ATP11A: variants seen among roughly 807,000 people sequenced by gnomAD.
The protein encoded by ATP11A is ATPase phospholipid transporting 11A, also known as phospholipid-transporting ATPase IH.
ATP11A carries 81 observed loss-of-function variants against 154.4 expected under a neutral mutation model. The ratio of observed to expected loss-of-function variants is 0.52; its 90% CI spans 0.44 to 0.63. ATP11A has a LOEUF of 0.63. Ranked by LOEUF, ATP11A falls within the 30% of genes least tolerant of loss-of-function variation. ATP11A has a pLI of 0.00. For synonymous variants in ATP11A, 623 were observed against 585.9 expected, an observed-to-expected ratio of 1.06 and a Z score of -0.91; for missense variants, 1,316 against 1,474.3, an observed-to-expected ratio of 0.89 and a Z score of 1.76.
intron 5 of ATP11A, among the ~76,000 whole-genome samples, chr13:112,811,193 C>CACAT (rs1195991892): frequency 1.1e-4 from 16 of 151,320 alleles, no homozygotes; most frequent in African/African-American, 3.9e-4. Flanking sequence ...CACACACACA[C>CACAT]ACACACACAC....
intron 1 of ATP11A, among the ~76,000 whole-genome samples, chr13:112,728,076 G>A (rs1464199273): frequency 2.0e-5 from 3 of 152,208 alleles, no homozygotes; most frequent in Non-Finnish European, 2.9e-5. Context: ...GGCTTATGGG[G>A]CCTTGAGGTC....
chr13:112,815,358 C>A (rs2078615804), intron 5 of ATP11A, among the ~76,000 whole-genome samples: 1 of 151,746 alleles, frequency 6.6e-6, no homozygotes, highest in African/African-American at 2.4e-5. Context: ...CAGTCCAGGC[C>A]ACCGAGATGC....
rs545002672 is a variant in ATP11A at position 112,868,206 on chromosome 13, A to T, written c.2992-3529A>T. Among the ~76,000 whole-genome samples the T allele has an allele frequency of 3.0e-4, 45 of 152,376 alleles. No individual in the cohort carries two copies. The South Asian group carries it at 8.7e-3, about 29-fold the overall frequency. ...GATAGACGTAGGATGCGATGAGAGC[A>T]GCTGAAACACGAGCGGTCCGCGTAT... On this transcript the variant is annotated intron_variant, in intron 25 of 29. Transcript: ENST00000375645.
chr13:112,765,309 G>T (rs1476880886), intron 1 of ATP11A, among the ~76,000 whole-genome samples: 4 of 152,126 alleles, frequency 2.6e-5, no homozygotes, highest in African/African-American at 9.7e-5. Flanking sequence ...CCCATCCTTG[G>T]GGAGGCCTCT....
chr13:112,701,488 A>G (rs1275218899), intron 1 of ATP11A, among the ~76,000 whole-genome samples: 2 of 152,204 alleles, frequency 1.3e-5, no homozygotes. Context: ...GCCCAGAGGA[A>G]GATCTGGTCC....
At chr13:112,751,833 C>T (rs1488391457) in intron 1 of ATP11A, among the ~76,000 whole-genome samples, 1 of 152,090 alleles carries the variant, frequency 6.6e-6, no homozygotes, top group Non-Finnish European at 1.5e-5. Context: ...GATTCTCCCG[C>T]CTCAGAGTGC....
At chr13:112,837,465 G>A (rs943522046) in intron 16 of ATP11A, among the ~76,000 whole-genome samples, 1 of 152,218 alleles carries the variant, frequency 6.6e-6, no homozygotes, top group Non-Finnish European at 1.5e-5. Context: ...ACGCAGAACC[G>A]ATGCTCTTCT....
intron 1 of ATP11A, among the ~76,000 whole-genome samples, chr13:112,711,021 G>A (rs925699763): frequency 1.6e-5 from 2 of 123,638 alleles, no homozygotes; most frequent in African/African-American, 5.9e-5. Context: ...TCAAAGTGCC[G>A]GGGTCAGAGG....
intron 8 of ATP11A, 104 bp downstream of exon 8, chr13:112,820,054 T>G: frequency 1.7e-6 from 2 of 1,190,784 alleles, no homozygotes; most frequent in East Asian, 2.8e-5. Flanking sequence ...TCTGGTAGAT[T>G]TGGAAGGTGG....
At chr13:112,777,535 G>T (rs972383803) in intron 1 of ATP11A, among the ~76,000 whole-genome samples, 1 of 152,228 alleles carries the variant, frequency 6.6e-6, no homozygotes, top group Admixed American at 6.5e-5. Flanking sequence ...TTGCACTCCA[G>T]CCTGGGGGAC....
At chr13:112,816,860 G>T (rs2078660520) in intron 6 of ATP11A, among the ~76,000 whole-genome samples, 1 of 152,220 alleles carries the variant, frequency 6.6e-6, no homozygotes, top group South Asian at 2.1e-4. Flanking sequence ...TTAATGAATA[G>T]ATTGTTGGAA....
chr13:112,821,103 C>G (rs2078785810), intron 8 of ATP11A, among the ~76,000 whole-genome samples: 1 of 152,150 alleles, frequency 6.6e-6, no homozygotes, highest in Non-Finnish European at 1.5e-5. Flanking sequence ...TTGGAGAAAT[C>G]TCTTGTATTT....
chr13:112,770,586 G>A (rs748456870), intron 1 of ATP11A, among the ~76,000 whole-genome samples: 4 of 152,182 alleles, frequency 2.6e-5, no homozygotes, highest in Non-Finnish European at 5.9e-5. Flanking sequence ...CTTACATGCC[G>A]GGACGAAGGT....
At chr13:112,868,723 C>T (rs1566595945) in intron 25 of ATP11A, among the ~76,000 whole-genome samples, 1 of 152,138 alleles carries the variant, frequency 6.6e-6, no homozygotes, top group African/African-American at 2.4e-5. Context: ...ATAAACTATC[C>T]GCACATGTTA....
chr13:112,857,187 C>T (rs959942527), intron 20 of ATP11A, among the ~76,000 whole-genome samples: 2 of 152,164 alleles, frequency 1.3e-5, no homozygotes, highest in Admixed American at 6.5e-5. Flanking sequence ...ACCCACGTTT[C>T]CCCCCATCTC....
intron 28 of ATP11A, 73 bp downstream of exon 28, chr13:112,876,014 A>ATACAGTCGGGGGC: frequency 6.6e-7 from 1 of 1,514,962 alleles, no homozygotes. Flanking sequence ...GACCGTTTTG[A>ATACAGTCGGGGGC]AAGACAGTGT....
intron 1 of ATP11A, among the ~76,000 whole-genome samples, chr13:112,730,611 C>T (rs751022675): frequency 1.6e-4 from 24 of 152,224 alleles, no homozygotes; most frequent in East Asian, 3.9e-4. Flanking sequence ...ATGGGGCTCC[C>T]GTGCGGAGTC....
intron 25 of ATP11A, among the ~76,000 whole-genome samples, chr13:112,866,564 T>A (rs2080339228): frequency 6.6e-6 from 1 of 151,202 alleles, no homozygotes; most frequent in African/African-American, 2.4e-5. Flanking sequence ...CCTGCTTAAA[T>A]GCCTCAGGTA....
intron 1 of ATP11A, among the ~76,000 whole-genome samples, chr13:112,752,812 G>A (rs887970027): frequency 6.6e-6 from 1 of 152,210 alleles, no homozygotes; most frequent in Non-Finnish European, 1.5e-5. Context: ...TAAAGAGAAT[G>A]TAGTTGTCAG....
Sources: gnomAD v4.1 joint callset for allele counts (sites outside exome capture counted in the v4.1 genomes callset) on GRCh38, gnomAD v4.1.1 for gene constraint, MANE v1.5 for transcripts, NCBI Gene and HGNC (gene_info 2026-07-23, HGNC 2026-07-21) for gene names.